The following SMG9 variants were observed in gnomAD, a reference collection of about 807,000 sequenced individuals.
SMG9 encodes the protein nonsense-mediated mRNA decay factor SMG9.
In SMG9, 55 loss-of-function variants were observed where a neutral mutation model predicts 64.0. The observed-to-expected ratio is 0.86, with a 90% CI of 0.69 to 1.08. The LOEUF is 1.08. SMG9 is among the 50% of genes least tolerant of loss of function. SMG9 has a pLI of 0.00. For missense variants in SMG9, 554 were observed against 681.3 expected, an observed-to-expected ratio of 0.81 and a Z score of 2.08; for synonymous variants, 244 against 254.8, an observed-to-expected ratio of 0.96 and a Z score of 0.41.
rs756083054 is a variant in SMG9, at chr19:43,731,236, C to A, written c.*360G>T. 3.0e-4 allele frequency: 327 copies of A among 1,080,544 alleles called. No homozygotes were observed. The highest frequency in any genetic ancestry group is 3.5e-4 in the Non-Finnish European group (308 of 888,366). 66.9% of individuals were successfully genotyped at this position (1,080,544 alleles called of 1,614,324 possible). ...CCCTGCCTCACCTTACAGGGAAGGG[C>A]TTAGAGTCAGGGAAGAGGGGCCTGT... is the stretch of plus-strand genomic sequence containing the variant. On this transcript the variant is annotated 3_prime_UTR_variant, in exon 14 of 14. Transcript: ENST00000270066.
At position 43,734,369 on chromosome 19, in the gene SMG9, G is replaced by A. The variant is rs1968584495; in HGVS notation, c.1102+20C>T. The A allele has an allele frequency of 6.5e-7, 1 of 1,540,716 alleles. No homozygotes were observed. Among genetic ancestry groups the A allele is most frequent in the South Asian group, 1.2e-5 (1 of 83,842 alleles). On this transcript the variant is annotated intron_variant, in intron 10 of 13. Coordinates refer to ENST00000270066, the MANE Select transcript of SMG9 (RefSeq NM_019108.4). ...ATTTTTCCTCCTGCCCACCCCTCCA[G>A]TCCCCAGAAAGCCTCTCACCTAGGT...
Position 43,731,653 on chromosome 19 carries a change from G to T in SMG9, c.1506C>A (p.Ile502=), listed in dbSNP as rs1968488928. ...EKNWFHYAAR[I]WDGVRKSSAL... The stretch of plus-strand genomic sequence containing the variant: ...CAGAGGACTTTCTCACCCCATCCCA[G>T]ATCCGGGCAGCGTAGTGGAACCTGT... Residue 502 remains isoleucine (I), a synonymous_variant, in exon 14 of 14, where the codon ATC becomes ATA. Coordinates refer to ENST00000270066, the MANE Select transcript of SMG9 (RefSeq NM_019108.4). 6 of 1,614,232 alleles carry T rather than the reference G, an allele frequency of 3.7e-6. No homozygotes were observed. Among genetic ancestry groups the T allele is most frequent in the Non-Finnish European group, 4.2e-6 (5 of 1,180,036 alleles).
intron 7 of SMG9, 136 bp downstream of exon 7, chr19:43,739,971 C>T: frequency 1.5e-6 from 1 of 683,734 alleles, no homozygotes; most frequent in East Asian, 2.6e-5. Flanking sequence ...ACACAATTTG[C>T]CCCAGGGCAG....
At chr19:43,733,119 T>C (rs1312171569) in intron 12 of SMG9, 117 bp from the exon 13 acceptor site, 12 of 1,352,984 alleles carry the variant, frequency 8.9e-6, no homozygotes, top group Non-Finnish European at 1.2e-5. Context: ...GAGCTCTTCC[T>C]GTACTTCTAT....
chr19:43,753,898 G>C (rs1969270970), intron 1 of SMG9, among the ~76,000 whole-genome samples: 1 of 147,346 alleles, frequency 6.8e-6, no homozygotes, highest in Admixed American at 6.7e-5. Flanking sequence ...CTGGGCGACA[G>C]AGCGAGACTC....
chr19:43,734,769 T>C (rs924265353), intron 9 of SMG9: 6 of 326,982 alleles, frequency 1.8e-5, no homozygotes, highest in Admixed American at 9.0e-5. Flanking sequence ...ACAGCAAAAC[T>C]GAGCAGAAAG....
chr19:43,753,933 A>AC (rs540150314), intron 1 of SMG9, among the ~76,000 whole-genome samples: 2 of 85,376 alleles, frequency 2.3e-5, no homozygotes, highest in Non-Finnish European at 5.2e-5. Flanking sequence ...AAAAAAAAAA[A>AC]CCCCACCCAC....
At chr19:43,753,002 C>T (rs1419004426) in intron 1 of SMG9, among the ~76,000 whole-genome samples, 2 of 151,710 alleles carry the variant, frequency 1.3e-5, no homozygotes, top group African/African-American at 4.9e-5. Flanking sequence ...TCCTCCCCTG[C>T]CCCACCTCAT....
chr19:43,747,401 A>C (rs1431612511), intron 5 of SMG9, 41 bp downstream of exon 5: 2 of 1,588,722 alleles, frequency 1.3e-6, no homozygotes, highest in Non-Finnish European at 1.7e-6. Context: ...CAGAGGATGC[A>C]GGATGTGCGG....
chr19:43,732,553 G>C, intron 13 of SMG9: 1 of 375,340 alleles, frequency 2.7e-6, no homozygotes, highest in South Asian at 2.6e-5. Context: ...ATGACTCCTA[G>C]CCACAGATGT....
rs554206899 is a variant in SMG9 at position 43,752,673 on chromosome 19, G to A, written c.-6-1926C>T. Among the ~76,000 whole-genome samples, 3 of 152,216 alleles carry A rather than the reference G, an allele frequency of 2.0e-5. No homozygotes were observed. The South Asian group carries it at 6.2e-4, about 32-fold the overall frequency. On this transcript the variant is annotated intron_variant, in intron 1 of 13. Coordinates refer to ENST00000270066, the MANE Select transcript of SMG9 (RefSeq NM_019108.4). ...GACACTTTGGGAGGCCGAGACAGGA[G>A]GACTGCTTCAGCCCAGGAGTTCGAG...
intron 8 of SMG9, 145 bp downstream of exon 8, chr19:43,737,977 T>C (rs1432859059): frequency 1.3e-6 from 1 of 783,886 alleles, no homozygotes; most frequent in Non-Finnish European, 2.1e-6. Flanking sequence ...CTCTCAGTGT[T>C]GTCCTCTTCC....
intron 6 of SMG9, among the ~76,000 whole-genome samples, chr19:43,743,611 C>G (rs576148812): frequency 6.6e-6 from 1 of 152,166 alleles, no homozygotes; most frequent in African/African-American, 2.4e-5. Context: ...GCCTGGGCAA[C>G]AGAGGAAGAC....
In SMG9 at chr19:43,737,622, A is replaced by T; in HGVS notation, c.970T>A (p.Trp324Arg). ...VCHVVIVVQD[W>R]FTDLSLYRFL... is the part of the protein sequence containing the mutation. ...CTGTAGAGACTGAGGTCTGTGAACC[A>T]GTCCTGGACAACAATCACCACATGG... Residue 324 changes from tryptophan to arginine, a missense_variant, in exon 9 of 14, where the codon TGG becomes AGG. Coordinates refer to ENST00000270066, the MANE Select transcript of SMG9 (RefSeq NM_019108.4). The T allele has an allele frequency of 6.2e-7, 1 of 1,613,988 alleles. No homozygotes were observed. Among genetic ancestry groups the T allele is most frequent in the Non-Finnish European group, 8.5e-7 (1 of 1,179,928 alleles).
intron 7 of SMG9, among the ~76,000 whole-genome samples, chr19:43,738,702 A>G (rs1968752528): frequency 6.6e-6 from 1 of 152,232 alleles, no homozygotes; most frequent in Non-Finnish European, 1.5e-5. Context: ...AGCTAAATTA[A>G]ATTAGCTTGA....
At chr19:43,750,014 A>G (rs919749179) in intron 2 of SMG9, among the ~76,000 whole-genome samples, 2 of 152,242 alleles carry the variant, frequency 1.3e-5, no homozygotes, top group Non-Finnish European at 2.9e-5. Flanking sequence ...AAGACTTTGC[A>G]CAGTGCAAGC....
At position 43,749,558 on chromosome 19, in the gene SMG9, G is replaced by T. The variant is rs957616219; in HGVS notation, c.150+1034C>A. ...TCATTTACACTGTGGCCCAAGAGAA[G>T]GAGCAAGTAAGAGCCCAGCTCACTG... On this transcript the variant is annotated intron_variant, in intron 2 of 13. Coordinates refer to ENST00000270066, the MANE Select transcript of SMG9 (RefSeq NM_019108.4). Among the ~76,000 whole-genome samples, 4 of 152,338 alleles carry T rather than the reference G, an allele frequency of 2.6e-5. No homozygotes were observed. In the South Asian group the frequency reaches 8.3e-4, roughly 32 times the overall value.
rs571212976 is a variant in SMG9 at position 43,733,179 on chromosome 19, C to T, written c.1339+145G>A. ...AGGGTCCACACACCCCAGGAACAAA[C>T]CAGGATCTTCTCTCAGACCAGGTAG... On this transcript the variant is annotated intron_variant, in intron 12 of 13. Coordinates refer to ENST00000270066, the MANE Select transcript of SMG9 (RefSeq NM_019108.4). The T allele has an allele frequency of 1.4e-4, 192 of 1,364,896 alleles. 2 individuals carry two copies. In the African/African-American group the frequency reaches 2.7e-3, roughly 19 times the overall value. 84.5% of individuals were successfully genotyped at this position (1,364,896 alleles called of 1,614,324 possible).
chr19:43,735,078 C>T (rs1238252215), intron 9 of SMG9, among the ~76,000 whole-genome samples: 1 of 152,144 alleles, frequency 6.6e-6, no homozygotes, highest in Non-Finnish European at 1.5e-5. Context: ...TTACTGTCTC[C>T]GTAGTTCTGC....
Sources: allele counts gnomAD v4.1 joint callset (sites outside exome capture counted in the v4.1 genomes callset), GRCh38; gene constraint gnomAD v4.1.1; transcripts MANE v1.5; gene names NCBI Gene and HGNC (gene_info 2026-07-23, HGNC 2026-07-21).